ATP2A1: variants seen among roughly 807,000 people sequenced by gnomAD.
The protein encoded by ATP2A1 is sarcoplasmic/endoplasmic reticulum calcium ATPase 1.
A neutral mutation model predicts 109.5 loss-of-function variants in ATP2A1; 83 were observed. That is an observed-to-expected ratio of 0.76 (90% CI 0.63 to 0.91). ATP2A1 has a LOEUF of 0.91. Ranked by LOEUF, ATP2A1 falls within the 40% of genes least tolerant of loss-of-function variation. The pLI is 0.00. For missense variants in ATP2A1, 1,101 were observed against 1,341.0 expected (o/e 0.82, Z 2.80); for synonymous variants, 505 against 537.6 (o/e 0.94, Z 0.84).
chr16:28,901,341 A>G (rs1270850555), intron 15 of ATP2A1, among the ~76,000 whole-genome samples: 1 of 150,870 alleles, frequency 6.6e-6, no homozygotes, highest in Non-Finnish European at 1.5e-5. Flanking sequence ...AAAAAAAAAA[A>G]AAAAAAAAAG....
rs1963552916 is a variant in ATP2A1, at chr16:28,883,881, C to G, written c.464-694C>G. ...TCCCTGCCTCCCTGAGATGCTCAGA[C>G]CGGGCTGTCAGGTTCCCGATATGTG... On this transcript the variant is annotated intron_variant, in intron 5 of 22. Transcript: ENST00000395503. This position sits in a 1 kb window ranked among gnomAD's most constrained non-coding sequence, Gnocchi z 5.2. Among the ~76,000 whole-genome samples the G allele has an allele frequency of 6.6e-6, 1 of 152,064 alleles. No individual in the cohort carries two copies. Among genetic ancestry groups the G allele is most frequent in the Admixed American group, 6.6e-5 (1 of 15,248 alleles).
chr16:28,894,942 G>A lies in ATP2A1; in HGVS notation c.1408G>A (p.Ala470Thr), dbSNP rs780035425. 43 of 1,611,638 alleles carry A rather than the reference G, an allele frequency of 2.7e-5. No homozygotes were observed. Among genetic ancestry groups the A allele is most frequent in the Middle Eastern group, 1.7e-4 (1 of 6,046 alleles). ...RSLSKVERAN[A>T]CNSVIRQLMK... ...CCTCTCGAAGGTGGAGAGAGCCAAC[G>A]CCTGCAACTCGGTGAGCCTGCGGAG... Residue 470 changes from alanine (A) to threonine (T), a missense_variant, in exon 12 of 23, where the codon GCC becomes ACC. Transcript: ENST00000395503.
chr16:28,899,873 C>T lies in ATP2A1; in HGVS notation c.1765-708C>T, dbSNP rs8060162. Among the ~76,000 whole-genome samples, 1,128 of 151,348 alleles carry T rather than the reference C, an allele frequency of 7.5e-3. 11 individuals are homozygous for T. The highest frequency in any genetic ancestry group is 0.027 in the African/African-American group (1,095 of 41,196). ...TACTCAGGAGGCTGAGGCGGAGAAT[C>T]GCTTCAACTTGGGAGGTGGAGGTTG... On this transcript the variant is annotated intron_variant, in intron 14 of 22. Coordinates refer to ENST00000395503, the MANE Select transcript of ATP2A1 (RefSeq NM_004320.6).
At chr16:28,882,610 G>C (rs771904505) in intron 5 of ATP2A1, 21 bp downstream of exon 5, 1 of 1,613,524 alleles carries the variant, frequency 6.2e-7, no homozygotes. Flanking sequence ...GGGACGGCTG[G>C]TCCAGGATGG....
chr16:28,882,525 C>T lies in ATP2A1; in HGVS notation c.399C>T (p.Asp133=). 6.2e-7 allele frequency: 1 copy of T among 1,614,218 alleles called. No individual in the cohort carries two copies. The highest frequency in any genetic ancestry group is 1.6e-4 in the Middle Eastern group (1 of 6,062). The stretch of plus-strand genomic sequence containing the variant: ...AGATGGGGAAGGTCTACCGGGCTGA[C>T]CGCAAGTCAGTGCAAAGGATCAAGG... ...EPEMGKVYRA[D]RKSVQRIKAR... The change falls in exon 5 of 23, where the codon GAC becomes GAT. Residue 133 remains aspartate (D), a synonymous_variant. Coordinates refer to ENST00000395503, the MANE Select transcript of ATP2A1 (RefSeq NM_004320.6).
Position 28,903,885 on chromosome 16 carries a change from C to A in ATP2A1, c.*37+144C>A. The A allele has an allele frequency of 1.1e-6, 1 of 883,230 alleles. No individual in the cohort carries two copies. The highest frequency in any genetic ancestry group is 1.9e-6 in the Non-Finnish European group (1 of 539,668). The allele number at this position is 883,230 out of a possible 1,614,324, so 54.7% of individuals were successfully genotyped here. A position where few individuals can be genotyped will look rare whatever the true frequency, so the allele number is the denominator to read the frequency against. On this transcript the variant is annotated intron_variant, in intron 22 of 22. Coordinates refer to ENST00000395503, the MANE Select transcript of ATP2A1 (RefSeq NM_004320.6). This position sits in a 1 kb window ranked among gnomAD's most constrained non-coding sequence, Gnocchi z 5.6. ...CCACTGCTGCTGCTGCGCTTCCAGT[C>A]AGGGTGGGCCGCTGGCCTCCCACTG...
intron 3 of ATP2A1, 130 bp downstream of exon 3, chr16:28,879,713 G>A: frequency 9.1e-7 from 1 of 1,097,368 alleles, no homozygotes; most frequent in Non-Finnish European, 1.3e-6. Context: ...GGGCGGGCTG[G>A]CGCGCAGCAG....
Position 28,880,280 on chromosome 16 carries a change from C to T in ATP2A1, c.220-635C>T, listed in dbSNP as rs1243540698. Among the ~76,000 whole-genome samples, 2 of 152,246 alleles carry T rather than the reference C, an allele frequency of 1.3e-5. No homozygotes were observed. Among genetic ancestry groups the T allele is most frequent in the Non-Finnish European group, 2.9e-5 (2 of 68,046 alleles). On this transcript the variant is annotated intron_variant, in intron 3 of 22. Transcript: ENST00000395503. The surrounding 1 kb of genome is among the most constrained non-coding windows in gnomAD (Gnocchi z 4.2). ...GGGTTCTTCCGCAGCATGTGAGCCTCGCTGGGGACTCTGGAGGCAACGAAA... is the reference window on the plus strand; with the variant it reads ...GGGTTCTTCCGCAGCATGTGAGCCTTGCTGGGGACTCTGGAGGCAACGAAA...
At position 28,902,131 on chromosome 16, in the gene ATP2A1, G is replaced by A. The variant is rs752029434; in HGVS notation, c.2321+48G>A. 9.3e-6 allele frequency: 15 copies of A among 1,613,900 alleles called. No homozygotes were observed. Among genetic ancestry groups the A allele is most frequent in the Non-Finnish European group, 1.3e-5 (15 of 1,179,740 alleles). On this transcript the variant is annotated intron_variant, in intron 16 of 22. Transcript: ENST00000395503. This position sits in a 1 kb window ranked among gnomAD's most constrained non-coding sequence, Gnocchi z 4.8. ...AGGAGGAAGCCGGGGTTAGGGTGGG[G>A]TGGCTGCAGGTCTGGGAGGCAGGAC...
intron 22 of ATP2A1, 70 bp from the exon 23 acceptor site, chr16:28,904,110 G>T: frequency 1.4e-6 from 2 of 1,396,974 alleles, no homozygotes; most frequent in Non-Finnish European, 2.0e-6. Flanking sequence ...TGCGTGCCTG[G>T]GAGATGCACC....
intron 9 of ATP2A1, among the ~76,000 whole-genome samples, 172 bp from the exon 10 acceptor site, chr16:28,893,983 T>G (rs137985075): frequency 6.6e-6 from 1 of 152,106 alleles, no homozygotes; most frequent in African/African-American, 2.4e-5. Context: ...TAGAGAATGA[T>G]TGCAACAGCT....
rs1386633844 is a variant in ATP2A1, at chr16:28,883,257, G to T, written c.463+668G>T. On this transcript the variant is annotated intron_variant, in intron 5 of 22. Coordinates refer to ENST00000395503, the MANE Select transcript of ATP2A1 (RefSeq NM_004320.6). This position sits in a 1 kb window ranked among gnomAD's most constrained non-coding sequence, Gnocchi z 5.2. ...CGAAGCTCCAGGCCCCTGCCAGGGG[G>T]AATGGCTCTTCAGAGGCCTCCTTCC... Among the ~76,000 whole-genome samples, 2 of 152,200 alleles carry T rather than the reference G, an allele frequency of 1.3e-5. No individual in the cohort carries two copies. The highest frequency in any genetic ancestry group is 2.4e-5 in the African/African-American group (1 of 41,458).
rs1465906010 is a variant in ATP2A1, at chr16:28,887,240, C to G, written c.596C>G (p.Ala199Gly). The G allele has an allele frequency of 1.2e-6, 2 of 1,614,052 alleles. No individual in the cohort carries two copies. Among genetic ancestry groups the G allele is most frequent in the Admixed American group, 1.7e-5 (1 of 60,002 alleles). ...ACGGAGCCCGTTCCTGACCCCCGAG[C>G]TGTCAACCAGGACAAGAAGAACATG... ...KHTEPVPDPRAVNQDKKNMLF... is the reference protein window; with the variant it reads ...KHTEPVPDPRGVNQDKKNMLF... The change falls in exon 7 of 23, where the codon GCT (alanine) becomes GGT (glycine). Residue 199 changes from alanine (A) to glycine (G), a missense_variant. Coordinates refer to ENST00000395503, the MANE Select transcript of ATP2A1 (RefSeq NM_004320.6).
Position 28,903,862 on chromosome 16 carries a change from A to G in ATP2A1, c.*37+121A>G. 1.0e-6 allele frequency: 1 copy of G among 996,344 alleles called. No homozygotes were observed. The highest frequency in any genetic ancestry group is 1.6e-6 in the Non-Finnish European group (1 of 633,164). 61.7% of individuals were successfully genotyped at this position (996,344 alleles called of 1,614,324 possible). On this transcript the variant is annotated intron_variant, in intron 22 of 22. Transcript: ENST00000395503. This position sits in a 1 kb window ranked among gnomAD's most constrained non-coding sequence, Gnocchi z 5.6. ...CGCAGCTCCACCTGGAGCCGTTGCC[A>G]CTGCTGCTGCTGCGCTTCCAGTCAG...
At chr16:28,894,351 T>A in intron 10 of ATP2A1, 108 bp downstream of exon 10, 1 of 1,319,236 alleles carries the variant, frequency 7.6e-7, no homozygotes. Flanking sequence ...CTCCTCTTCC[T>A]CCCCGACCTT....
In ATP2A1 at chr16:28,894,497, G is replaced by A. The variant is rs1336627513; in HGVS notation, c.1185-8G>A. 6.2e-7 allele frequency: 1 copy of A among 1,613,154 alleles called. No individual in the cohort carries two copies. Among genetic ancestry groups the A allele is most frequent in the Non-Finnish European group, 8.5e-7 (1 of 1,179,784 alleles). ...CTCTGTCCCTTCCTCCCCTGACCCT[G>A]CTGCCAGCTTGAAGAATGATAAGCC... On this transcript the variant is annotated splice_polypyrimidine_tract_variant and splice_region_variant and intron_variant, in intron 10 of 22. Coordinates refer to ENST00000395503, the MANE Select transcript of ATP2A1 (RefSeq NM_004320.6).
rs200092983 is a variant in ATP2A1, at chr16:28,898,248, G to A, written c.1561G>A (p.Val521Ile). Residue 521 changes from valine to isoleucine, a missense_variant, in exon 14 of 23, where the codon GTC becomes ATC. Physicochemically the swap from Val to Ile is conservative, Grantham distance 29. Transcript: ENST00000395503. The surrounding 1 kb of genome is among the most constrained non-coding windows in gnomAD (Gnocchi z 4.0). The stretch of plus-strand genomic sequence containing the variant: ...GGTCTCCTAGGGTGCCCCTGAGGGC[G>A]TCATCGACCGCTGTAACTATGTGCG... Reference protein sequence around the residue: ...KMFVKGAPEGVIDRCNYVRVG... With the variant: ...KMFVKGAPEGIIDRCNYVRVG... The A allele has an allele frequency of 1.9e-4, 307 of 1,614,130 alleles. 1 individual carries two copies. Among genetic ancestry groups the A allele is most frequent in the Non-Finnish European group, 2.2e-4 (260 of 1,180,056 alleles).
rs146961981 is a variant in ATP2A1, at chr16:28,893,775, G to T, written c.1096-380G>T. On this transcript the variant is annotated intron_variant, in intron 9 of 22. Transcript: ENST00000395503. Reference sequence around the variant, plus strand: ...AGCGATTCTCCTGCCTCAGCCTCCAGAGTAGCTGGGATTACAGGCGCGCAC... The same window carrying T: ...AGCGATTCTCCTGCCTCAGCCTCCATAGTAGCTGGGATTACAGGCGCGCAC... Among the ~76,000 whole-genome samples, 1,392 of 150,670 alleles carry T rather than the reference G, an allele frequency of 9.2e-3. 24 individuals carry two copies. Among genetic ancestry groups the T allele is most frequent in the African/African-American group, 0.033 (1,337 of 40,968 alleles).
At position 28,903,304 on chromosome 16, in the gene ATP2A1, C is replaced by T. The variant is rs751657540; in HGVS notation, c.2863-19C>T. ...CCCTCCCCACCCCCTCCTGAGAGGG[C>T]GCTTGTCCCCTGCCCCAGATGATCT... is the stretch of plus-strand genomic sequence containing the variant. On this transcript the variant is annotated intron_variant, in intron 20 of 22. Coordinates refer to ENST00000395503, the MANE Select transcript of ATP2A1 (RefSeq NM_004320.6). The surrounding 1 kb of genome is among the most constrained non-coding windows in gnomAD (Gnocchi z 5.6). 8.7e-5 allele frequency: 139 copies of T among 1,602,916 alleles called. 4 individuals are homozygous for T. The South Asian group carries it at 1.2e-3, about 14-fold the overall frequency.
Sources: gnomAD v4.1 joint callset for allele counts (sites outside exome capture counted in the v4.1 genomes callset) on GRCh38, gnomAD v4.1.1 for gene constraint, Gnocchi (gnomAD v3.1) non-coding constraint, MANE v1.5 for transcripts, NCBI Gene and HGNC (gene_info 2026-07-23, HGNC 2026-07-21) for gene names.